Variants in JADE3 observed in about 807,000 individuals in gnomAD.
JADE3 encodes jade family PHD finger 3.
A neutral mutation model predicts 50.1 loss-of-function variants in JADE3; 2 were observed. That is an observed-to-expected ratio of 0.04 (90% CI 0.02 to 0.13). The LOEUF (loss-of-function observed/expected upper bound fraction) is 0.13. Ranked by LOEUF, JADE3 falls within the 10% of genes least tolerant of loss-of-function variation. JADE3 has a pLI of 1.00. For missense variants in JADE3, 475 were observed against 634.4 expected, an observed-to-expected ratio of 0.75 and a Z score of 2.70; for synonymous variants, 218 against 232.9, an observed-to-expected ratio of 0.94 and a Z score of 0.58.
At chrX:46,997,047 T>C (rs1928145415) in intron 3 of JADE3, among the ~76,000 whole-genome samples, 1 of 112,193 alleles carries the variant, frequency 8.9e-6, no homozygotes, top group East Asian at 2.8e-4. Flanking sequence ...AATCAATTGA[T>C]ATATTTTATA....
At chrX:46,981,490 CTTG>C (rs782650972) in intron 1 of JADE3, among the ~76,000 whole-genome samples, 26 of 111,698 alleles carry the variant, frequency 2.3e-4, no homozygotes, top group Non-Finnish European at 4.1e-4. Flanking sequence ...TAGGAAGTGT[CTTG>C]TTGTTACTGT....
chrX:47,023,021 G>A (rs1004729888), intron 4 of JADE3, among the ~76,000 whole-genome samples: 1 of 111,178 alleles, frequency 9.0e-6, no homozygotes, highest in Non-Finnish European at 1.9e-5. Context: ...TAACAATGAC[G>A]TTATTGAGCA....
intron 1 of JADE3, among the ~76,000 whole-genome samples, chrX:46,969,559 G>A (rs1460497813): frequency 8.9e-6 from 1 of 112,291 alleles, no homozygotes; most frequent in East Asian, 2.8e-4. Flanking sequence ...ACTCGTGGCA[G>A]GGCGCAGTGG....
At chrX:46,995,393 T>C (rs1928105260) in intron 3 of JADE3, among the ~76,000 whole-genome samples, 1 of 111,723 alleles carries the variant, frequency 9.0e-6, no homozygotes, top group South Asian at 3.7e-4. Context: ...ACAAAATATA[T>C]TGAGAGATCC....
chrX:46,989,103 G>T (rs1927925414), intron 3 of JADE3, among the ~76,000 whole-genome samples: 1 of 111,651 alleles, frequency 9.0e-6, no homozygotes, highest in South Asian at 3.8e-4. Context: ...CTCCCAAAGT[G>T]CTGGGATTAC....
At chrX:47,005,890 C>G (rs1377884108) in intron 4 of JADE3, among the ~76,000 whole-genome samples, 1 of 111,698 alleles carries the variant, frequency 9.0e-6, no homozygotes, top group Admixed American at 9.5e-5. Flanking sequence ...ATACAACCAC[C>G]TGGTGGTAAC....
intron 1 of JADE3, among the ~76,000 whole-genome samples, chrX:46,964,790 A>T (rs1171422477): frequency 6.2e-5 from 7 of 112,772 alleles, no homozygotes; most frequent in Non-Finnish European, 1.3e-4. Context: ...CATAATTTTT[A>T]TATGTCACAA....
chrX:47,040,746 C>G lies in JADE3; in HGVS notation c.972+1681C>G, dbSNP rs1437289553. Among the ~76,000 whole-genome samples, 7 of 111,336 alleles carry G rather than the reference C, an allele frequency of 6.3e-5. No homozygotes were observed. The Admixed American group carries it at 6.7e-4, about 11-fold the overall frequency. ...ACCACTGGCTTTAGGGATAATGACT[C>G]TAGGTGCTTTGTGACATTTCTTGCT... On this transcript the variant is annotated intron_variant, in intron 8 of 10. Coordinates refer to ENST00000614628, the MANE Select transcript of JADE3 (RefSeq NM_014735.5).
At chrX:46,961,636 T>C (rs1927260951) in intron 1 of JADE3, among the ~76,000 whole-genome samples, 1 of 111,860 alleles carries the variant, frequency 8.9e-6, no homozygotes, top group Non-Finnish European at 1.9e-5. Flanking sequence ...AATAATTTTC[T>C]TTGGGAAATA....
chrX:46,947,776 C>T (rs1053437176), intron 1 of JADE3, among the ~76,000 whole-genome samples: 5 of 111,576 alleles, frequency 4.5e-5, no homozygotes, highest in Non-Finnish European at 7.5e-5. Context: ...AGGTACCGTG[C>T]CGTTTGGTCC....
chrX:46,961,326 C>T (rs1430456323), intron 1 of JADE3, among the ~76,000 whole-genome samples: 2 of 111,623 alleles, frequency 1.8e-5, no homozygotes, highest in Non-Finnish European at 3.8e-5. Flanking sequence ...TACAACGGAA[C>T]GCTCTGAACT....
chrX:47,052,933 G>A lies in JADE3; in HGVS notation c.973-1225G>A, dbSNP rs184047943. Among the ~76,000 whole-genome samples, 502 of 109,807 alleles carry A rather than the reference G, an allele frequency of 4.6e-3. 2 individuals carry two copies. The highest frequency in any genetic ancestry group is 0.016 in the African/African-American group (483 of 30,126). On this transcript the variant is annotated intron_variant, in intron 8 of 10. Coordinates refer to ENST00000614628, the MANE Select transcript of JADE3 (RefSeq NM_014735.5). ...TAGCCGGGCATGGTGGCACATGCCTGTAATCCCAGCTACTCGGGAGGCTGA... is the reference window on the plus strand; with the variant it reads ...TAGCCGGGCATGGTGGCACATGCCTATAATCCCAGCTACTCGGGAGGCTGA...
Position 46,917,256 on chromosome X carries a change from C to T in JADE3, c.-12+4537C>T, listed in dbSNP as rs190810253. The stretch of plus-strand genomic sequence containing the variant: ...CTGGTGGGGGCGGGTGGGGGTGGCT[C>T]GGTGTGTTTCTATTTTTTCAACAAA... On this transcript the variant is annotated intron_variant, in intron 1 of 10. Coordinates refer to ENST00000614628, the MANE Select transcript of JADE3 (RefSeq NM_014735.5). Among the ~76,000 whole-genome samples, 7 of 109,721 alleles carry T rather than the reference C, an allele frequency of 6.4e-5. No homozygotes were observed. The East Asian group carries it at 1.4e-3, about 22-fold the overall frequency.
chrX:46,935,841 T>TC lies in JADE3; in HGVS notation c.-12+23122_-12+23123insC, dbSNP rs1330664169. Among the ~76,000 whole-genome samples, 4 of 99,551 alleles carry TC rather than the reference T, an allele frequency of 4.0e-5. No homozygotes were observed. The Admixed American group carries it at 4.4e-4, about 11-fold the overall frequency. The allele number at this position is 99,551 out of a possible 115,157, so 86.4% of individuals were successfully genotyped here. A position where few individuals can be genotyped will look rare whatever the true frequency, so the allele number is the denominator to read the frequency against. ...AAGTCTTTCACTTTTTTTTTTTTTT[T>TC]TTTTTTTGAGGCAAGGTTTCTCTCT... On this transcript the variant is annotated intron_variant, in intron 1 of 10. Coordinates refer to ENST00000614628, the MANE Select transcript of JADE3 (RefSeq NM_014735.5).
intron 4 of JADE3, among the ~76,000 whole-genome samples, chrX:47,023,447 A>AT (rs1230779040): frequency 5.5e-5 from 6 of 108,810 alleles, no homozygotes; most frequent in Admixed American, 9.9e-5. Flanking sequence ...ACATGATCTC[A>AT]TTTTTTTTTG....
At chrX:46,955,035 A>G (rs1279152499) in intron 1 of JADE3, among the ~76,000 whole-genome samples, 1 of 112,284 alleles carries the variant, frequency 8.9e-6, no homozygotes, top group Admixed American at 9.4e-5. Flanking sequence ...ATCCTCAGCT[A>G]TAACATGTTG....
At chrX:47,013,042 G>A (rs951589457) in intron 4 of JADE3, among the ~76,000 whole-genome samples, 8 of 111,844 alleles carry the variant, frequency 7.2e-5, no homozygotes, top group Non-Finnish European at 1.3e-4. Context: ...ACAGCGTCTC[G>A]TTCTCTGTTG....
intron 1 of JADE3, among the ~76,000 whole-genome samples, chrX:46,976,612 G>C (rs1211037603): frequency 9.0e-6 from 1 of 111,653 alleles, no homozygotes; most frequent in Non-Finnish European, 1.9e-5. Context: ...TCTGATCTGA[G>C]GACTAGAAAA....
At chrX:47,018,731 TAGC>T (rs1285871768) in intron 4 of JADE3, among the ~76,000 whole-genome samples, 37 of 112,199 alleles carry the variant, frequency 3.3e-4, no homozygotes, top group Admixed American at 1.7e-3. Flanking sequence ...CCCCCAAACT[TAGC>T]AGCTTAGAGC....
Sources: gnomAD v4.1 joint callset for allele counts (sites outside exome capture counted in the v4.1 genomes callset) on GRCh38, gnomAD v4.1.1 for gene constraint, MANE v1.5 for transcripts, NCBI Gene and HGNC (gene_info 2026-07-23, HGNC 2026-07-21) for gene names.